GOLGB1: variants seen among roughly 807,000 people sequenced by gnomAD.
GOLGB1 encodes golgin B1, also known as golgin subfamily B member 1.
A neutral mutation model predicts 336.9 loss-of-function variants in GOLGB1; 174 were observed. The ratio of observed to expected loss-of-function variants is 0.52; its 90% confidence interval spans 0.46 to 0.59. The LOEUF (loss-of-function observed/expected upper bound fraction) is 0.59. GOLGB1 is among the 20% of genes least tolerant of loss of function. The pLI is 0.00. For synonymous variants in GOLGB1, 1,208 were observed against 1,289.2 expected (o/e 0.94, Z 1.35); for missense variants, 3,331 against 3,645.3 (o/e 0.91, Z 2.22).
chr3:121,667,353 A>G (rs1938771506), intron 20 of GOLGB1, 123 bp downstream of exon 20: 1 of 999,576 alleles, frequency 1.0e-6, no homozygotes. Context: ...TGGTAAACTC[A>G]TTGCAGCAAC....
Position 121,669,340 on chromosome 3 carries a change from C to T in GOLGB1, c.9193G>A (p.Glu3065Lys), listed in dbSNP as rs1480539957. Reference protein sequence around the residue: ...QLNSNFSQLLEEKNTLSIQLC... With the variant: ...QLNSNFSQLLKEKNTLSIQLC... The stretch of plus-strand genomic sequence containing the variant: ...TGAATGGAAAGGGTGTTTTTCTCTT[C>T]CAGTAGCTGAGAGAACTGAAACAGA... The change falls in exon 18 of 22, where the codon GAA becomes AAA. Residue 3065 changes from glutamate (E) to lysine (K), a missense_variant. By Grantham distance (56) the Glu-to-Lys change is moderately conservative. Transcript: ENST00000614479. 1.2e-6 allele frequency: 2 copies of T among 1,613,736 alleles called. No individual in the cohort carries two copies. Among genetic ancestry groups the T allele is most frequent in the African/African-American group, 2.7e-5 (2 of 74,918 alleles).
intron 17 of GOLGB1, among the ~76,000 whole-genome samples, chr3:121,670,041 C>T (rs956374892): frequency 7.9e-5 from 12 of 152,112 alleles, no homozygotes; most frequent in Admixed American, 2.0e-4. Context: ...AGTGTCAGGG[C>T]GCCCACTGCC....
At position 121,744,441 on chromosome 3, in the gene GOLGB1, CAAAAAAA is replaced by C. The variant is rs11290154; in HGVS notation, c.-3+5184_-3+5190del. The stretch of plus-strand genomic sequence containing the variant: ...GAGCAACATAGTGAGACTGTCTCTA[CAAAAAAA>C]AAAAAAAAAAAAAAAATTTAATTAG... On this transcript the variant is annotated intron_variant, in intron 1 of 21. Transcript: ENST00000614479. Among the ~76,000 whole-genome samples the C allele has an allele frequency of 1.4e-3, 99 of 73,082 alleles. 1 individual carries two copies. The highest frequency in any genetic ancestry group is 4.2e-3 in the African/African-American group (79 of 18,964). 47.9% of individuals were successfully genotyped at this position (73,082 alleles called of 152,430 possible). A position where few individuals can be genotyped will look rare whatever the true frequency, so the allele number is the denominator to read the frequency against.
At chr3:121,672,773 T>A (rs1164701339) in intron 17 of GOLGB1, among the ~76,000 whole-genome samples, 1 of 152,232 alleles carries the variant, frequency 6.6e-6, no homozygotes, top group Non-Finnish European at 1.5e-5. Flanking sequence ...ATCTTAGAAT[T>A]AAGTCTTTAA....
rs143447319 is a variant in GOLGB1, at chr3:121,696,640, A to G, written c.3883T>C (p.Ser1295Pro). ...AGAGCACTCGCATCTTCAGAATGAGAAGGCCAGTCTGGGCACAAGTTGGAC... is the reference window on the plus strand; with the variant it reads ...AGAGCACTCGCATCTTCAGAATGAGGAGGCCAGTCTGGGCACAAGTTGGAC... ...LESNLCPDWP[S>P]HSEDASALQG... Residue 1295 changes from serine to proline, a missense_variant, in exon 13 of 22, where the codon TCT becomes CCT. Transcript: ENST00000614479. 5 of 1,614,068 alleles carry G rather than the reference A, an allele frequency of 3.1e-6. No individual in the cohort carries two copies. The highest frequency in any genetic ancestry group is 1.6e-4 in the Middle Eastern group (1 of 6,084).
At chr3:121,690,199 A>C (rs573083607) in intron 14 of GOLGB1, among the ~76,000 whole-genome samples, 22 of 152,328 alleles carry the variant, frequency 1.4e-4, no homozygotes, top group African/African-American at 5.1e-4. Context: ...GGGTTGAGTT[A>C]CCCATGAGAT....
chr3:121,735,066 T>G (rs1946386563), intron 1 of GOLGB1, among the ~76,000 whole-genome samples: 1 of 152,224 alleles, frequency 6.6e-6, no homozygotes. Context: ...TTATTCTATT[T>G]ATATAACATT....
In GOLGB1 at chr3:121,694,685, A is replaced by G. The variant is rs1381502879; in HGVS notation, c.5838T>C (p.Cys1946=). 5 of 1,611,596 alleles carry G rather than the reference A, an allele frequency of 3.1e-6. No homozygotes were observed. In the South Asian group the frequency reaches 3.3e-5, roughly 11 times the overall value. ...TTATTTGGGCATCTGTAACATCCTG[A>G]CAGTAATTCCCAATGCTTCCATTAA... is the stretch of plus-strand genomic sequence containing the variant. ...AELNGSIGNY[C]QDVTDAQIKN... Residue 1946 remains cysteine, a synonymous_variant, in exon 13 of 22, where the codon TGT becomes TGC. Transcript: ENST00000614479.
chr3:121,732,047 C>T (rs1230358032), intron 1 of GOLGB1, among the ~76,000 whole-genome samples: 1 of 152,152 alleles, frequency 6.6e-6, no homozygotes, highest in Non-Finnish European at 1.5e-5. Context: ...TAGCCCTATA[C>T]TTTTAAGTTC....
chr3:121,720,703 G>C (rs1026243428), intron 6 of GOLGB1, among the ~76,000 whole-genome samples: 1 of 152,128 alleles, frequency 6.6e-6, no homozygotes, highest in Non-Finnish European at 1.5e-5. Flanking sequence ...GTAGGCACTG[G>C]AGTCTTTCAT....
chr3:121,704,776 CAAAAAA>C (rs71133560), intron 10 of GOLGB1, among the ~76,000 whole-genome samples: 1 of 107,016 alleles, frequency 9.3e-6, no homozygotes, highest in Non-Finnish European at 1.8e-5. Flanking sequence ...AACTCCATCT[CAAAAAA>C]AAAAAAAAAA....
intron 1 of GOLGB1, among the ~76,000 whole-genome samples, chr3:121,742,982 T>A (rs994963776): frequency 4.0e-4 from 61 of 152,038 alleles, no homozygotes; most frequent in South Asian, 1.5e-3. Flanking sequence ...GCTGGAGAGG[T>A]TGTGGAAAAA....
At position 121,741,887 on chromosome 3, in the gene GOLGB1, G is replaced by A. The variant is rs559528447; in HGVS notation, c.-3+7745C>T. Among the ~76,000 whole-genome samples the A allele has an allele frequency of 4.9e-4, 75 of 151,932 alleles. 1 individual carries two copies. Among genetic ancestry groups the A allele is most frequent in the Non-Finnish European group, 1.5e-4 (10 of 67,968 alleles). On this transcript the variant is annotated intron_variant, in intron 1 of 21. Coordinates refer to ENST00000614479, the MANE Select transcript of GOLGB1 (RefSeq NM_001366282.2). ...AAAAGAAGGTTTTCTTAGAGAAATG[G>A]CTAATTCCATTTCTAAAGTGGAAAT... is the stretch of plus-strand genomic sequence containing the variant.
At chr3:121,718,335 A>G in intron 8 of GOLGB1, 53 bp downstream of exon 8, 2 of 1,159,844 alleles carry the variant, frequency 1.7e-6, no homozygotes, top group Non-Finnish European at 2.6e-6. Context: ...CTGGCAAACG[A>G]AAGTGGAAAT....
At chr3:121,746,440 G>A (rs954821941) in intron 1 of GOLGB1, among the ~76,000 whole-genome samples, 1 of 150,180 alleles carries the variant, frequency 6.7e-6, no homozygotes, top group African/African-American at 2.4e-5. Context: ...CTTACTTTTC[G>A]TTATTTAACT....
intron 10 of GOLGB1, among the ~76,000 whole-genome samples, chr3:121,706,594 C>T (rs181675876): frequency 1.5e-3 from 221 of 151,532 alleles, no homozygotes; most frequent in African/African-American, 4.9e-3. Flanking sequence ...ATTAGCCAGG[C>T]GTGGTGGCGG....
At chr3:121,686,954 G>T (rs915253721) in intron 14 of GOLGB1, among the ~76,000 whole-genome samples, 1 of 152,172 alleles carries the variant, frequency 6.6e-6, no homozygotes, top group African/African-American at 2.4e-5. Flanking sequence ...AGCAGTAAAA[G>T]GGAACGCTGG....
intron 10 of GOLGB1, among the ~76,000 whole-genome samples, chr3:121,711,172 C>G (rs1171508396): frequency 6.6e-6 from 1 of 151,798 alleles, no homozygotes; most frequent in Non-Finnish European, 1.5e-5. Flanking sequence ...CCAGCATGGG[C>G]AACAGTGAAA....
At chr3:121,731,199 T>A (rs553063187) in intron 1 of GOLGB1, among the ~76,000 whole-genome samples, 1 of 152,306 alleles carries the variant, frequency 6.6e-6, no homozygotes, top group East Asian at 1.9e-4. Flanking sequence ...GTTATCACCA[T>A]CACTAACACC....
Sources: allele counts gnomAD v4.1 joint callset (sites outside exome capture counted in the v4.1 genomes callset), GRCh38; gene constraint gnomAD v4.1.1; transcripts MANE v1.5; gene names NCBI Gene and HGNC (gene_info 2026-07-23, HGNC 2026-07-21).